The following STAM variants were observed in gnomAD, a reference collection of about 807,000 sequenced individuals.
STAM encodes the protein signal transducing adapter molecule 1.
A neutral mutation model predicts 63.4 loss-of-function variants in STAM; 16 were observed. That is an observed-to-expected ratio of 0.25 (90% CI 0.17 to 0.38). The LOEUF (loss-of-function observed/expected upper bound fraction) is 0.38, where lower values mean the gene tolerates loss of function less well. STAM is among the 10% of genes least tolerant of loss of function. The pLI is 1.00. For missense variants in STAM, 636 were observed against 657.1 expected (o/e 0.97, Z 0.35); for synonymous variants, 238 against 223.9 (o/e 1.06, Z -0.56).
At chr10:17,650,371 C>T (rs868986076) in intron 1 of STAM, among the ~76,000 whole-genome samples, 1 of 152,338 alleles carries the variant, frequency 6.6e-6, no homozygotes, top group South Asian at 2.1e-4. Context: ...ACATGACATT[C>T]TGACTCTTTA....
chr10:17,681,814 A>C (rs1835097927), intron 2 of STAM, among the ~76,000 whole-genome samples: 1 of 152,224 alleles, frequency 6.6e-6, no homozygotes, highest in East Asian at 1.9e-4. Flanking sequence ...CAGTAAATGG[A>C]GGACTTGGTT....
intron 1 of STAM, 34 bp from the exon 2 acceptor site, chr10:17,660,430 A>G: frequency 7.0e-7 from 1 of 1,423,908 alleles, no homozygotes; most frequent in South Asian, 1.3e-5. Flanking sequence ...GATTTGAAAA[A>G]TAATGTTTCT....
At chr10:17,699,675 C>T (rs1057221454) in intron 8 of STAM, among the ~76,000 whole-genome samples, 4 of 152,192 alleles carry the variant, frequency 2.6e-5, no homozygotes, top group African/African-American at 4.8e-5. Context: ...GCATGGACGG[C>T]GCTCTCTAAA....
intron 12 of STAM, among the ~76,000 whole-genome samples, chr10:17,706,747 G>C (rs1554829304): frequency 6.6e-6 from 1 of 152,020 alleles, no homozygotes; most frequent in African/African-American, 2.4e-5. Flanking sequence ...ATCAGGTTGT[G>C]TACACTCAAT....
chr10:17,695,929 G>A (rs1363332921), intron 7 of STAM: 1 of 152,186 alleles, frequency 6.6e-6, no homozygotes, highest in Non-Finnish European at 1.5e-5. Context: ...CTCACAGACA[G>A]ATTGACTGTG....
intron 2 of STAM, chr10:17,672,940 C>A: frequency 1.4e-6 from 1 of 720,286 alleles, no homozygotes. Context: ...TTGTCCCTGC[C>A]CCTGACCCCT....
chr10:17,663,391 A>T (rs1834252679), intron 2 of STAM, among the ~76,000 whole-genome samples: 1 of 152,086 alleles, frequency 6.6e-6, no homozygotes, highest in East Asian at 1.9e-4. Context: ...TTCTCTCAGT[A>T]TATTCCTTAA....
chr10:17,646,385 A>G (rs1047041884), intron 1 of STAM, among the ~76,000 whole-genome samples: 1 of 152,178 alleles, frequency 6.6e-6, no homozygotes, highest in Admixed American at 6.5e-5. Flanking sequence ...AATACCTCCC[A>G]GTTGAGAACC....
intron 1 of STAM, among the ~76,000 whole-genome samples, chr10:17,653,749 G>T (rs1833831044): frequency 6.6e-6 from 1 of 152,230 alleles, no homozygotes; most frequent in Admixed American, 6.5e-5. Flanking sequence ...ATAGGAGGAT[G>T]TGCAAAGGCT....
At chr10:17,680,654 A>C (rs1369850280) in intron 2 of STAM, among the ~76,000 whole-genome samples, 2 of 151,802 alleles carry the variant, frequency 1.3e-5, no homozygotes, top group African/African-American at 4.8e-5. Flanking sequence ...CAATCCTTCC[A>C]CCTTCATCTC....
chr10:17,660,613 C>CA, intron 2 of STAM, 65 bp downstream of exon 2: 9 of 1,304,788 alleles, frequency 6.9e-6, no homozygotes, highest in Non-Finnish European at 9.7e-6. Context: ...AGGCCAGGTG[C>CA]AGTGGCTTGC....
chr10:17,684,884 G>A lies in STAM; in HGVS notation c.254G>A (p.Cys85Tyr). The A allele has an allele frequency of 6.2e-7, 1 of 1,614,022 alleles. No homozygotes were observed. Among genetic ancestry groups the A allele is most frequent in the Non-Finnish European group, 8.5e-7 (1 of 1,179,936 alleles). Reference protein sequence around the residue: ...NCGKIFHLEVCSRDFASEVSN... With the variant: ...NCGKIFHLEVYSRDFASEVSN... The stretch of plus-strand genomic sequence containing the variant: ...GGCAAAATTTTTCATTTAGAAGTAT[G>A]TTCAAGAGATTTTGCTAGTGAAGTA... The change falls in exon 4 of 14, where the codon TGT becomes TAT. Residue 85 changes from cysteine to tyrosine, a missense_variant. Cys to Tyr is a radical substitution (Grantham distance 194, BLOSUM62 -2). This residue lies in a region of STAM where 17 missense variants were observed against 39.9 expected (regional missense o/e 0.43). Coordinates refer to ENST00000377524, the MANE Select transcript of STAM (RefSeq NM_003473.4).
chr10:17,693,610 G>A (rs1835636573), intron 6 of STAM, among the ~76,000 whole-genome samples: 1 of 152,126 alleles, frequency 6.6e-6, no homozygotes, highest in Non-Finnish European at 1.5e-5. Context: ...TTTGCCACTT[G>A]CTTTTCTCAT....
intron 2 of STAM, among the ~76,000 whole-genome samples, chr10:17,684,249 T>C (rs1483698551): frequency 6.6e-6 from 1 of 152,250 alleles, no homozygotes; most frequent in African/African-American, 2.4e-5. Context: ...ATTTTCCTTC[T>C]TGGATATTAT....
At chr10:17,661,033 C>T (rs1301410446) in intron 2 of STAM, among the ~76,000 whole-genome samples, 1 of 152,084 alleles carries the variant, frequency 6.6e-6, no homozygotes. Flanking sequence ...TCTCCTTTGT[C>T]AGATTTGCAA....
chr10:17,667,718 A>C (rs988064189), intron 2 of STAM, among the ~76,000 whole-genome samples: 2 of 152,248 alleles, frequency 1.3e-5, no homozygotes, highest in African/African-American at 2.4e-5. Flanking sequence ...AATGGAAAAT[A>C]AAAAGGTAGA....
intron 12 of STAM, among the ~76,000 whole-genome samples, chr10:17,706,866 G>A (rs1187196568): frequency 2.6e-5 from 4 of 151,682 alleles, no homozygotes; most frequent in Non-Finnish European, 5.9e-5. Context: ...TGAACTTCTA[G>A]TTATCCTTAA....
chr10:17,700,329 A>C, intron 9 of STAM, 50 bp downstream of exon 9: 1 of 1,421,306 alleles, frequency 7.0e-7, no homozygotes, highest in South Asian at 1.3e-5. Context: ...TTGAAATTTA[A>C]ATGGTTTTGC....
In STAM at chr10:17,708,855, T is replaced by G; in HGVS notation, c.1289T>G (p.Leu430Arg). 6.2e-7 allele frequency: 1 copy of G among 1,614,188 alleles called. No homozygotes were observed. The highest frequency in any genetic ancestry group is 1.3e-5 in the African/African-American group (1 of 75,052). ...ATGAGCCACCTCCAGAGCTACAGTC[T>G]TCCCCCGGAGCAGCTGTCTTCTCTC... ...AQMSHLQSYS[L>R]PPEQLSSLSQ... Residue 430 changes from leucine (L) to arginine (R), a missense_variant, in exon 13 of 14, where the codon CTT (leucine) becomes CGT (arginine). Physicochemically the swap from Leu to Arg is moderately radical, Grantham distance 102. This residue lies in a region of STAM where 532 missense variants were observed against 536.9 expected (regional missense o/e 0.99). Transcript: ENST00000377524.
Sources: gnomAD v4.1 joint callset for allele counts (sites outside exome capture counted in the v4.1 genomes callset) on GRCh38, gnomAD v4.1.1 for gene constraint, gnomAD v4.1.1 regional missense constraint, MANE v1.5 for transcripts, NCBI Gene and HGNC (gene_info 2026-07-23, HGNC 2026-07-21) for gene names.